The following SLC66A3 variants were observed in gnomAD, a reference collection of about 807,000 sequenced individuals.
The protein encoded by SLC66A3 is PQ loop repeat containing 3.
SLC66A3 carries 23 observed loss-of-function variants against 25.5 expected under a neutral mutation model. The ratio of observed to expected loss-of-function variants is 0.90; its 90% CI spans 0.65 to 1.28. The LOEUF is 1.28. Ranked by LOEUF, SLC66A3 falls within the 50% of genes most tolerant of loss-of-function variation. SLC66A3 has a pLI of 0.00. For missense variants in SLC66A3, 246 were observed against 262.1 expected (o/e 0.94, Z 0.42); for synonymous variants, 108 against 112.6 (o/e 0.96, Z 0.26).
chr2:11,173,551 T>C (rs1662629080), intron 5 of SLC66A3, among the ~76,000 whole-genome samples: 1 of 152,244 alleles, frequency 6.6e-6, no homozygotes, highest in Admixed American at 6.5e-5. Context: ...AAAGTCTTGG[T>C]TTATCAAATG....
At chr2:11,156,264 G>C (rs1661896758) in intron 1 of SLC66A3, among the ~76,000 whole-genome samples, 1 of 152,186 alleles carries the variant, frequency 6.6e-6, no homozygotes, top group Admixed American at 6.5e-5. Context: ...GGAAGTTGGA[G>C]AGTCTCTGCA....
At chr2:11,165,744 G>A (rs534037613) in intron 4 of SLC66A3, among the ~76,000 whole-genome samples, 34 of 152,360 alleles carry the variant, frequency 2.2e-4, no homozygotes, top group Middle Eastern at 3.4e-3. Flanking sequence ...CTGAGTGAAC[G>A]AGACTCCATC....
At chr2:11,165,340 C>T (rs548052907) in intron 4 of SLC66A3, among the ~76,000 whole-genome samples, 379 of 148,044 alleles carry the variant, frequency 2.6e-3, no homozygotes, top group African/African-American at 9.3e-3. Context: ...ACATCTCAGA[C>T]GATGGGCGAC....
At chr2:11,161,938 C>T (rs937472613) in intron 3 of SLC66A3, among the ~76,000 whole-genome samples, 5 of 152,364 alleles carry the variant, frequency 3.3e-5, no homozygotes, top group Admixed American at 2.6e-4. Context: ...AGAGCCAGGC[C>T]TGTGGCCCGC....
At chr2:11,157,089 G>A (rs983751539) in intron 1 of SLC66A3, among the ~76,000 whole-genome samples, 1 of 152,158 alleles carries the variant, frequency 6.6e-6, no homozygotes, top group Non-Finnish European at 1.5e-5. Context: ...CCCTCCTGCC[G>A]CCAGCCCCTA....
rs983525857 is a variant in SLC66A3, at chr2:11,178,412, A to AAAAC, written c.*586_*589dup. 40 of 152,862 alleles carry AAAAC rather than the reference A, an allele frequency of 2.6e-4. No homozygotes were observed. Among genetic ancestry groups the AAAAC allele is most frequent in the African/African-American group, 8.4e-4 (35 of 41,582 alleles). 9.5% of individuals were successfully genotyped at this position (152,862 alleles called of 1,614,324 possible). A position where few individuals can be genotyped will look rare whatever the true frequency, so the allele number is the denominator to read the frequency against. On this transcript the variant is annotated 3_prime_UTR_variant, in exon 7 of 7. Coordinates refer to ENST00000295083, the MANE Select transcript of SLC66A3 (RefSeq NM_152391.5). ...CATGTAGCTGGCTTGAGTTTGTACC[A>AAAAC]AAACAGTCCTTCAACTTTGCACTGT...
chr2:11,162,685 C>T (rs1662169522), intron 3 of SLC66A3, among the ~76,000 whole-genome samples: 1 of 152,240 alleles, frequency 6.6e-6, no homozygotes, highest in Admixed American at 6.5e-5. Context: ...CAGCGCACTG[C>T]AAGCTCCGCC....
chr2:11,155,815 G>A, intron 1 of SLC66A3, 126 bp downstream of exon 1: 1 of 923,636 alleles, frequency 1.1e-6, no homozygotes, highest in South Asian at 3.0e-5. Context: ...GCAGCTGGGC[G>A]GCCGAGGGTG....
intron 3 of SLC66A3, among the ~76,000 whole-genome samples, chr2:11,163,005 G>A (rs949775964): frequency 2.6e-5 from 4 of 152,160 alleles, no homozygotes; most frequent in African/African-American, 7.2e-5. Context: ...TTGGGTGGTC[G>A]AAGTGGGAGG....
In SLC66A3 at chr2:11,178,465, C is replaced by T. The variant is rs146895154; in HGVS notation, c.*637C>T. ...CTTAAGTAATTACTAACAAAAGGTA[C>T]TAGGATTAGCTGCAATCTCTACTTT... On this transcript the variant is annotated 3_prime_UTR_variant, in exon 7 of 7. Coordinates refer to ENST00000295083, the MANE Select transcript of SLC66A3 (RefSeq NM_152391.5). The T allele has an allele frequency of 2.0e-5, 3 of 152,742 alleles. No homozygotes were observed. Among genetic ancestry groups the T allele is most frequent in the Middle Eastern group, 3.4e-3 (1 of 294 alleles). 9.5% of individuals were successfully genotyped at this position (152,742 alleles called of 1,614,324 possible). A position where few individuals can be genotyped will look rare whatever the true frequency, so the allele number is the denominator to read the frequency against.
rs13004007 is a variant in SLC66A3, at chr2:11,158,295, A to G, written c.144-2171A>G. On this transcript the variant is annotated intron_variant, in intron 1 of 6. Transcript: ENST00000295083. The stretch of plus-strand genomic sequence containing the variant: ...CCCTTTGGGAGGCCGAGGCGGGCAG[A>G]TAACCTGAGGTCAGGAGTTCAAGAC... Among the ~76,000 whole-genome samples the G allele has an allele frequency of 5.8e-3, 876 of 152,344 alleles. 3 individuals are homozygous for G. Among genetic ancestry groups the G allele is most frequent in the Non-Finnish European group, 9.8e-3 (665 of 68,016 alleles).
intron 1 of SLC66A3, among the ~76,000 whole-genome samples, chr2:11,156,895 AG>A (rs1187486042): frequency 3.9e-5 from 6 of 152,068 alleles, no homozygotes; most frequent in Admixed American, 1.3e-4. Flanking sequence ...TGGAGCGATG[AG>A]GTTGTGGCAA....
chr2:11,177,186 A>G (rs939586359), intron 6 of SLC66A3, among the ~76,000 whole-genome samples: 11 of 152,108 alleles, frequency 7.2e-5, no homozygotes, highest in Non-Finnish European at 1.3e-4. Context: ...TAGGCTGGGC[A>G]CAGTGGCTCA....
Position 11,155,529 on chromosome 2 carries a change from G to T in SLC66A3, c.-18G>T, listed in dbSNP as rs931224326. 3 of 1,486,822 alleles carry T rather than the reference G, an allele frequency of 2.0e-6. No individual in the cohort carries two copies. The highest frequency in any genetic ancestry group is 8.9e-7 in the Non-Finnish European group (1 of 1,126,712). The allele number at this position is 1,486,822 out of a possible 1,614,324, so 92.1% of individuals were successfully genotyped here. ...CCCTTCTCGCTGCGGCCGCCCAGGT[G>T]CCCGCGCCCGTGGCGCTATGGAGGC... On this transcript the variant is annotated 5_prime_UTR_variant, in exon 1 of 7. Transcript: ENST00000295083.
At chr2:11,173,214 A>G (rs10205141) in intron 5 of SLC66A3, among the ~76,000 whole-genome samples, 8,318 of 152,126 alleles carry the variant, frequency 0.055, 337 homozygotes, top group Non-Finnish European at 0.06. Flanking sequence ...GTCTCAAACT[A>G]CTGGGCTCAA....
chr2:11,168,254 C>T lies in SLC66A3; in HGVS notation c.355-3671C>T, dbSNP rs992474006. ...GAGCCAAGATTGAGCCACTGCACTC[C>T]AGCCTGGGTGACAGCAAGACTCTGT... On this transcript the variant is annotated intron_variant, in intron 4 of 6. Coordinates refer to ENST00000295083, the MANE Select transcript of SLC66A3 (RefSeq NM_152391.5). Among the ~76,000 whole-genome samples the T allele has an allele frequency of 2.6e-4, 39 of 151,258 alleles. 1 individual carries two copies. Among genetic ancestry groups the T allele is most frequent in the Middle Eastern group, 3.4e-3 (1 of 294 alleles).
chr2:11,163,821 C>T (rs545477620), intron 3 of SLC66A3, among the ~76,000 whole-genome samples: 2 of 152,336 alleles, frequency 1.3e-5, no homozygotes, highest in East Asian at 1.9e-4. Flanking sequence ...AGCAATTTTG[C>T]AGAACATTCC....
At chr2:11,165,154 C>CG (rs1288900837) in intron 4 of SLC66A3, among the ~76,000 whole-genome samples, 2 of 149,110 alleles carry the variant, frequency 1.3e-5, no homozygotes, top group African/African-American at 2.5e-5. Flanking sequence ...GCTGGCCGGG[C>CG]GGGGGCTGAC....
At chr2:11,176,056 A>C (rs556502277) in intron 6 of SLC66A3, among the ~76,000 whole-genome samples, 1 of 152,234 alleles carries the variant, frequency 6.6e-6, no homozygotes, top group African/African-American at 2.4e-5. Context: ...GTCTTTCCAC[A>C]GGACTTGAAT....
Sources: allele counts gnomAD v4.1 joint callset (sites outside exome capture counted in the v4.1 genomes callset), GRCh38; gene constraint gnomAD v4.1.1; transcripts MANE v1.5; gene names NCBI Gene and HGNC (gene_info 2026-07-23, HGNC 2026-07-21).